The following TMEM132D variants were observed in gnomAD, a reference collection of about 807,000 sequenced individuals.
The protein encoded by TMEM132D is transmembrane protein 132D.
In TMEM132D, 21 loss-of-function variants were observed where a neutral mutation model predicts 62.3. The observed-to-expected ratio is 0.34, with a 90% CI of 0.24 to 0.49. The LOEUF is 0.49. Among genes scored for constraint, TMEM132D ranks in the 20% least tolerant of loss-of-function variants. The probability of loss-of-function intolerance (pLI) is 0.99; values close to 1 mark genes in which losing one functional copy is unlikely to be tolerated. For synonymous variants in TMEM132D, 621 were observed against 575.6 expected, an observed-to-expected ratio of 1.08 and a Z score of -1.13; for missense variants, 1,346 against 1,402.8, an observed-to-expected ratio of 0.96 and a Z score of 0.65.
chr12:129,354,011 A>C lies in TMEM132D; in HGVS notation c.1116-16194T>G, dbSNP rs112248473. ...CTTTGTGCATGGGACTCAAAATCTA[A>C]ACCTTTCCACCAGAAAGGGATGCAC... On this transcript the variant is annotated intron_variant, in intron 3 of 8. Transcript: ENST00000422113. 1.6e-3 allele frequency among the ~76,000 whole-genome samples: 241 copies of C among 152,068 alleles called. 2 individuals are homozygous for C. Among genetic ancestry groups the C allele is most frequent in the African/African-American group, 5.3e-3 (221 of 41,510 alleles).
chr12:129,153,015 C>T (rs1261951535), intron 5 of TMEM132D, among the ~76,000 whole-genome samples: 1 of 152,202 alleles, frequency 6.6e-6, no homozygotes, highest in East Asian at 1.9e-4. Flanking sequence ...GCAACACCAC[C>T]TCCTCCCTTT....
intron 3 of TMEM132D, among the ~76,000 whole-genome samples, chr12:129,386,944 T>TATCACTAACACCAACACC (rs1273372317): frequency 6.7e-6 from 1 of 150,134 alleles, no homozygotes; most frequent in Non-Finnish European, 1.5e-5. Flanking sequence ...ATGCCAACAC[T>TATCACTAACACCAACACC]ATCACTAACA....
chr12:129,383,819 A>T (rs1361658941), intron 3 of TMEM132D, among the ~76,000 whole-genome samples: 1 of 152,190 alleles, frequency 6.6e-6, no homozygotes, highest in East Asian at 1.9e-4. Context: ...TCAGATTCAC[A>T]TGGATAACTT....
chr12:129,810,409 G>A (rs1872134357), intron 1 of TMEM132D, among the ~76,000 whole-genome samples: 1 of 151,964 alleles, frequency 6.6e-6, no homozygotes, highest in African/African-American at 2.4e-5. Context: ...CATTTTGGAT[G>A]GTCAGTAAAT....
chr12:129,476,999 T>A (rs1874281786), intron 3 of TMEM132D, among the ~76,000 whole-genome samples: 1 of 152,220 alleles, frequency 6.6e-6, no homozygotes, highest in Admixed American at 6.5e-5. Context: ...TCCTCGTTCT[T>A]GCTTGATAAT....
intron 2 of TMEM132D, among the ~76,000 whole-genome samples, chr12:129,613,053 T>C (rs1878817910): frequency 6.6e-6 from 1 of 152,202 alleles, no homozygotes; most frequent in Non-Finnish European, 1.5e-5. Context: ...ATCTGTTCTA[T>C]TTAATAACTT....
chr12:129,882,268 C>T (rs67621166), intron 1 of TMEM132D, among the ~76,000 whole-genome samples: 3,640 of 152,138 alleles, frequency 0.024, 69 homozygotes, highest in Non-Finnish European at 0.039. Flanking sequence ...ATCTCTTTTA[C>T]GAAGCCCGTA....
intron 5 of TMEM132D, among the ~76,000 whole-genome samples, chr12:129,106,189 T>A (rs1173869921): frequency 6.7e-6 from 1 of 149,940 alleles, no homozygotes; most frequent in African/African-American, 2.5e-5. Flanking sequence ...ACACCGCATA[T>A]TCTCACTCAC....
intron 2 of TMEM132D, among the ~76,000 whole-genome samples, chr12:129,612,392 C>G (rs1878799898): frequency 1.3e-5 from 2 of 152,264 alleles, no homozygotes; most frequent in South Asian, 4.1e-4. Context: ...CAGCCTGCTT[C>G]TTGCTCCTGG....
rs377051108 is a variant in TMEM132D at position 129,104,274 on chromosome 12, A to G, written c.1444-19572T>C. 8.6e-5 allele frequency among the ~76,000 whole-genome samples: 13 copies of G among 151,852 alleles called. No homozygotes were observed. The East Asian group carries it at 9.7e-4, about 11-fold the overall frequency. On this transcript the variant is annotated intron_variant, in intron 5 of 8. Transcript: ENST00000422113. ...CTATCTGATCTTTGACAAACCTGACAAAAACAAGCAATGGGGAAAGGATTC... is the reference window on the plus strand; with the variant it reads ...CTATCTGATCTTTGACAAACCTGACGAAAACAAGCAATGGGGAAAGGATTC...
chr12:129,101,134 T>C (rs1323800519), intron 5 of TMEM132D, among the ~76,000 whole-genome samples: 1 of 152,004 alleles, frequency 6.6e-6, no homozygotes, highest in African/African-American at 2.4e-5. Flanking sequence ...GGGTCTAAGC[T>C]TTGCAGTGCC....
At chr12:129,383,005 TGGGTCGCTA>T (rs1230217976) in intron 3 of TMEM132D, among the ~76,000 whole-genome samples, 1 of 152,116 alleles carries the variant, frequency 6.6e-6, no homozygotes, top group Non-Finnish European at 1.5e-5. Context: ...ACAGGATCAT[TGGGTCGCTA>T]GGCTGCTTCT....
At position 129,215,951 on chromosome 12, in the gene TMEM132D, C is replaced by T. The variant is rs191376714; in HGVS notation, c.1300-6288G>A. Among the ~76,000 whole-genome samples the T allele has an allele frequency of 2.3e-4, 35 of 152,206 alleles. No individual in the cohort carries two copies. The East Asian group carries it at 2.9e-3, about 13-fold the overall frequency. On this transcript the variant is annotated intron_variant, in intron 4 of 8. Coordinates refer to ENST00000422113, the MANE Select transcript of TMEM132D (RefSeq NM_133448.3). ...ACCATGAGAACAGTGTGGGGGAAACCGCCCGAATGCATGATTCAATTATCT... is the reference window on the plus strand; with the variant it reads ...ACCATGAGAACAGTGTGGGGGAAACTGCCCGAATGCATGATTCAATTATCT...
chr12:129,606,254 C>T (rs1878622283), intron 2 of TMEM132D, among the ~76,000 whole-genome samples: 2 of 152,070 alleles, frequency 1.3e-5, no homozygotes, highest in African/African-American at 4.8e-5. Context: ...CAGAAAGCTT[C>T]AAAGGGGCTT....
chr12:129,842,724 C>G (rs1201719780), intron 1 of TMEM132D, among the ~76,000 whole-genome samples: 1 of 152,126 alleles, frequency 6.6e-6, no homozygotes, highest in Non-Finnish European at 1.5e-5. Flanking sequence ...CAGCCTTGAC[C>G]TCCCAAAGAG....
chr12:129,121,689 A>G (rs1453680904), intron 5 of TMEM132D, among the ~76,000 whole-genome samples: 2 of 152,172 alleles, frequency 1.3e-5, no homozygotes, highest in African/African-American at 2.4e-5. Context: ...AAGGAAACCA[A>G]TACAGTACTA....
chr12:129,200,438 T>C (rs1278694756), intron 5 of TMEM132D, among the ~76,000 whole-genome samples: 1 of 152,192 alleles, frequency 6.6e-6, no homozygotes, highest in Non-Finnish European at 1.5e-5. Context: ...CTGAGAACTC[T>C]TCCCTGCAGG....
At position 129,876,123 on chromosome 12, in the gene TMEM132D, A is replaced by G. The variant is rs547541328; in HGVS notation, c.79+27138T>C. Among the ~76,000 whole-genome samples the G allele has an allele frequency of 2.1e-3, 326 of 152,320 alleles. 1 individual carries two copies. The highest frequency in any genetic ancestry group is 7.1e-3 in the African/African-American group (296 of 41,582). On this transcript the variant is annotated intron_variant, in intron 1 of 8. Transcript: ENST00000422113. The stretch of plus-strand genomic sequence containing the variant: ...CTAGTTCCAGAAACAAGACATATAA[A>G]TAAAAAACCTAAGGAAATCGACAGA...
chr12:129,700,082 T>A lies in TMEM132D; in HGVS notation c.696A>T (p.Pro232=). The A allele has an allele frequency of 6.2e-7, 1 of 1,613,628 alleles. No individual in the cohort carries two copies. Among genetic ancestry groups the A allele is most frequent in the Non-Finnish European group, 8.5e-7 (1 of 1,180,008 alleles). ...TPVELYYTVH[P]GGERGDCVRE... is the part of the protein sequence containing the mutation. Reference sequence around the variant, plus strand: ...TGACGCAGTCCCCTCTCTCACCCCCTGGGTGCACGGTGTAGTAGAGCTCCA... The same window carrying A: ...TGACGCAGTCCCCTCTCTCACCCCCAGGGTGCACGGTGTAGTAGAGCTCCA... Residue 232 remains proline, a synonymous_variant, in exon 2 of 9, where the codon CCA becomes CCT. Coordinates refer to ENST00000422113, the MANE Select transcript of TMEM132D (RefSeq NM_133448.3).
Sources: allele counts gnomAD v4.1 joint callset (sites outside exome capture counted in the v4.1 genomes callset), GRCh38; gene constraint gnomAD v4.1.1; transcripts MANE v1.5; gene names NCBI Gene and HGNC (gene_info 2026-07-23, HGNC 2026-07-21).